DPT: variants seen among roughly 807,000 people sequenced by gnomAD.
The protein encoded by DPT is tyrosine-rich acidic matrix protein.
A neutral mutation model predicts 31.2 loss-of-function variants in DPT; 21 were observed. That is an observed-to-expected ratio of 0.67 (90% CI 0.48 to 0.97). The LOEUF (loss-of-function observed/expected upper bound fraction) is 0.97. Ranked by LOEUF, DPT falls within the 50% of genes least tolerant of loss-of-function variation. The pLI is 0.00. For synonymous variants in DPT, 91 were observed against 86.9 expected, an observed-to-expected ratio of 1.05 and a Z score of -0.26; for missense variants, 262 against 258.8, an observed-to-expected ratio of 1.01 and a Z score of -0.08.
intron 2 of DPT, among the ~76,000 whole-genome samples, chr1:168,701,331 A>C (rs1463249701): frequency 6.6e-6 from 1 of 152,106 alleles, no homozygotes. Flanking sequence ...TAGGCCATTA[A>C]ACTGTGCACT....
Position 168,727,603 on chromosome 1 carries a change from G to A in DPT, c.305+1267C>T, listed in dbSNP as rs79197126. ...CCCAGGAGGGAATACAGTGGTGCGA[G>A]CATGGCTCACTGCAGCCTCGACTCC... is the stretch of plus-strand genomic sequence containing the variant. On this transcript the variant is annotated intron_variant, in intron 1 of 3. Transcript: ENST00000367817. Among the ~76,000 whole-genome samples, 798 of 149,988 alleles carry A rather than the reference G, an allele frequency of 5.3e-3. 6 individuals carry two copies. The highest frequency in any genetic ancestry group is 0.019 in the African/African-American group (754 of 40,680).
chr1:168,714,891 G>A (rs976164743), intron 1 of DPT, among the ~76,000 whole-genome samples: 6 of 152,170 alleles, frequency 3.9e-5, no homozygotes, highest in Non-Finnish European at 7.3e-5. Flanking sequence ...ATGTGCCCAG[G>A]GCAGCCCAGT....
intron 2 of DPT, among the ~76,000 whole-genome samples, chr1:168,705,691 G>C (rs1008419): frequency 0.014 from 2,102 of 152,228 alleles, 31 homozygotes; most frequent in Non-Finnish European, 0.019. Flanking sequence ...CACTCAATTA[G>C]CACATTACTT....
At chr1:168,699,411 G>A (rs772255437) in intron 3 of DPT, among the ~76,000 whole-genome samples, 5 of 151,894 alleles carry the variant, frequency 3.3e-5, no homozygotes, top group Admixed American at 6.6e-5. Flanking sequence ...GTATATACTC[G>A]TTTCCCTTTC....
chr1:168,723,848 A>C (rs1050223947), intron 1 of DPT, among the ~76,000 whole-genome samples: 1 of 152,138 alleles, frequency 6.6e-6, no homozygotes, highest in African/African-American at 2.4e-5. Context: ...TTTTATTTTG[A>C]AGTAATTTCA....
intron 3 of DPT, among the ~76,000 whole-genome samples, chr1:168,699,831 C>T (rs764864976): frequency 1.3e-5 from 2 of 152,042 alleles, no homozygotes; most frequent in Non-Finnish European, 2.9e-5. Context: ...TAGGCCAAAC[C>T]AATCATTAAC....
chr1:168,729,112 G>A lies in DPT; in HGVS notation c.63C>T (p.Gly21=), dbSNP rs200072386. 48 of 1,613,958 alleles carry A rather than the reference G, an allele frequency of 3.0e-5. 1 individual carries two copies. The highest frequency in any genetic ancestry group is 7.7e-5 in the South Asian group (7 of 91,064). ...PLVTMAWGQY[G]DYGYPYQQYH... Reference sequence around the variant, plus strand: ...ACTGCTGGTATGGGTATCCATAATCGCCATACTGGCCCCAGGCCATGGTGA... The same window carrying A: ...ACTGCTGGTATGGGTATCCATAATCACCATACTGGCCCCAGGCCATGGTGA... Residue 21 remains glycine, a synonymous_variant, in exon 1 of 4, where the codon GGC becomes GGT. Coordinates refer to ENST00000367817, the MANE Select transcript of DPT (RefSeq NM_001937.5).
intron 1 of DPT, among the ~76,000 whole-genome samples, chr1:168,727,983 C>CCAAG (rs1338039309): frequency 6.6e-6 from 1 of 152,130 alleles, no homozygotes; most frequent in African/African-American, 2.4e-5. Flanking sequence ...CTCCTCCAAG[C>CCAAG]CTCCTAGAGT....
Position 168,696,151 on chromosome 1 carries a change from C to G in DPT, c.*398G>C. 1 of 417,118 alleles carries G rather than the reference C, an allele frequency of 2.4e-6. No individual in the cohort carries two copies. The highest frequency in any genetic ancestry group is 6.1e-4 in the Middle Eastern group (1 of 1,646). 25.8% of individuals were successfully genotyped at this position (417,118 alleles called of 1,614,324 possible). A position where few individuals can be genotyped will look rare whatever the true frequency, so the allele number is the denominator to read the frequency against. ...CAGGCTTAGCTGTAGAGAACCTTCA[C>G]TGCACCTCTCCTCCAGTTCTGCCTC... On this transcript the variant is annotated 3_prime_UTR_variant, in exon 4 of 4. Transcript: ENST00000367817.
chr1:168,706,650 T>C (rs1030673020), intron 2 of DPT, among the ~76,000 whole-genome samples: 8 of 152,124 alleles, frequency 5.3e-5, no homozygotes, highest in Non-Finnish European at 1.0e-4. Flanking sequence ...GTGTGTGAAA[T>C]AAAAACAAAT....
intron 1 of DPT, among the ~76,000 whole-genome samples, chr1:168,719,521 A>G (rs1650052155): frequency 1.3e-5 from 2 of 152,104 alleles, no homozygotes; most frequent in Non-Finnish European, 2.9e-5. Context: ...GCTCTGACTC[A>G]CTTCACAGCA....
intron 2 of DPT, among the ~76,000 whole-genome samples, chr1:168,704,600 T>A (rs181120259): frequency 9.6e-4 from 146 of 152,198 alleles, no homozygotes; most frequent in African/African-American, 3.2e-3. Context: ...GTGGGGTGTG[T>A]GTGTGTGTGT....
chr1:168,702,757 G>A (rs182756940), intron 2 of DPT, among the ~76,000 whole-genome samples: 1 of 152,008 alleles, frequency 6.6e-6, no homozygotes, highest in Admixed American at 6.6e-5. Flanking sequence ...GATTACAGGT[G>A]TGTGCCACCA....
At chr1:168,702,660 G>T (rs553667167) in intron 2 of DPT, among the ~76,000 whole-genome samples, 1 of 142,916 alleles carries the variant, frequency 7.0e-6, no homozygotes, top group South Asian at 2.2e-4. Flanking sequence ...CACCCAGGCT[G>T]TTGCACACTG....
intron 2 of DPT, among the ~76,000 whole-genome samples, chr1:168,706,875 C>G (rs566037764): frequency 5.9e-5 from 9 of 152,180 alleles, no homozygotes; most frequent in Non-Finnish European, 1.2e-4. Flanking sequence ...CACTTTGACT[C>G]GTGTTGATTT....
At chr1:168,714,768 G>A (rs532335827) in intron 1 of DPT, among the ~76,000 whole-genome samples, 1 of 152,336 alleles carries the variant, frequency 6.6e-6, no homozygotes, top group East Asian at 1.9e-4. Context: ...ACGTATTGAT[G>A]AATTTCAAAT....
At chr1:168,714,430 A>T in intron 1 of DPT, 84 bp from the exon 2 acceptor site, 1 of 1,512,388 alleles carries the variant, frequency 6.6e-7, no homozygotes, top group Non-Finnish European at 9.1e-7. Flanking sequence ...ACAGTTACAC[A>T]CTCTTTCTCT....
At chr1:168,727,758 G>A (rs762770401) in intron 1 of DPT, among the ~76,000 whole-genome samples, 17 of 151,490 alleles carry the variant, frequency 1.1e-4, no homozygotes, top group African/African-American at 2.7e-4. Context: ...GGCTGGTCTC[G>A]AACTCTTGAT....
At chr1:168,713,791 A>T (rs1211160504) in intron 2 of DPT, among the ~76,000 whole-genome samples, 1 of 151,894 alleles carries the variant, frequency 6.6e-6, no homozygotes, top group Admixed American at 6.6e-5. Flanking sequence ...ACTCTGACCC[A>T]TGAGAGGATT....
Sources: gnomAD v4.1 joint callset for allele counts (sites outside exome capture counted in the v4.1 genomes callset) on GRCh38, gnomAD v4.1.1 for gene constraint, MANE v1.5 for transcripts, NCBI Gene and HGNC (gene_info 2026-07-23, HGNC 2026-07-21) for gene names.